The following HS2ST1 variants were observed in gnomAD, a reference collection of about 807,000 sequenced individuals.
HS2ST1 encodes the protein 2-O-sulfotransferase.
In HS2ST1, 18 loss-of-function variants were observed where a neutral mutation model predicts 42.9. The observed-to-expected ratio is 0.42, with a 90% confidence interval of 0.29 to 0.62. The LOEUF (loss-of-function observed/expected upper bound fraction) is 0.62. Ranked by LOEUF, HS2ST1 falls within the 20% of genes least tolerant of loss-of-function variation. The probability of loss-of-function intolerance (pLI) is 0.21; values close to 1 mark genes in which losing one functional copy is unlikely to be tolerated. For missense variants in HS2ST1, 334 were observed against 433.8 expected, an observed-to-expected ratio of 0.77 and a Z score of 2.04; for synonymous variants, 146 against 152.9, an observed-to-expected ratio of 0.95 and a Z score of 0.33.
At chr1:87,056,520 A>G (rs1223619081) in intron 1 of HS2ST1, among the ~76,000 whole-genome samples, 1 of 152,202 alleles carries the variant, frequency 6.6e-6, no homozygotes, top group Non-Finnish European at 1.5e-5. Flanking sequence ...AGACTTGTGT[A>G]GTTGGGAGAT....
chr1:86,914,865 TG>T lies in HS2ST1; in HGVS notation c.-167del. ...CACCAGCGGCGTTGGTGATAGCGCCTGGGGGAGGGGGACTGGAGAGGCGAGA... is the reference window on the plus strand; with the variant it reads ...CACCAGCGGCGTTGGTGATAGCGCCTGGGGAGGGGGACTGGAGAGGCGAGA... On this transcript the variant is annotated 5_prime_UTR_variant, in exon 1 of 7. Coordinates refer to ENST00000370550, the MANE Select transcript of HS2ST1 (RefSeq NM_012262.4). 1 of 625,922 alleles carries T rather than the reference TG, an allele frequency of 1.6e-6. No individual in the cohort carries two copies. Among genetic ancestry groups the T allele is most frequent in the Non-Finnish European group, 2.5e-6 (1 of 400,854 alleles). 38.8% of individuals were successfully genotyped at this position (625,922 alleles called of 1,614,324 possible). A position where few individuals can be genotyped will look rare whatever the true frequency, so the allele number is the denominator to read the frequency against.
At chr1:87,044,196 T>A (rs1467560128) in intron 1 of HS2ST1, among the ~76,000 whole-genome samples, 1 of 152,138 alleles carries the variant, frequency 6.6e-6, no homozygotes, top group African/African-American at 2.4e-5. Context: ...GTACCGACAT[T>A]TTTGGACATT....
chr1:86,965,546 G>A lies in HS2ST1; in HGVS notation c.124+50386G>A, dbSNP rs58066239. Among the ~76,000 whole-genome samples, 628 of 152,130 alleles carry A rather than the reference G, an allele frequency of 4.1e-3. 4 individuals carry two copies. Among genetic ancestry groups the A allele is most frequent in the African/African-American group, 0.015 (608 of 41,498 alleles). On this transcript the variant is annotated intron_variant, in intron 1 of 6. Coordinates refer to ENST00000370550, the MANE Select transcript of HS2ST1 (RefSeq NM_012262.4). ...ACCAGTGGTTCTCAAGCCTGGCTGC[G>A]TATTAGAATCACTCTGGGGAGTTTT...
At chr1:86,956,199 C>A (rs541269891) in intron 1 of HS2ST1, among the ~76,000 whole-genome samples, 1 of 152,204 alleles carries the variant, frequency 6.6e-6, no homozygotes, top group South Asian at 2.1e-4. Context: ...TGGGGTGGAT[C>A]TGCTGCTTTA....
At chr1:86,960,735 T>C (rs919746026) in intron 1 of HS2ST1, among the ~76,000 whole-genome samples, 2 of 152,184 alleles carry the variant, frequency 1.3e-5, no homozygotes, top group African/African-American at 4.8e-5. Context: ...ACTATACACC[T>C]ATTAGAGTGA....
In HS2ST1 at chr1:87,075,035, A is replaced by T. The variant is rs185270986; in HGVS notation, c.363+1863A>T. Among the ~76,000 whole-genome samples, 805 of 152,200 alleles carry T rather than the reference A, an allele frequency of 5.3e-3. 10 individuals carry two copies. The highest frequency in any genetic ancestry group is 0.018 in the African/African-American group (763 of 41,536). On this transcript the variant is annotated intron_variant, in intron 2 of 6. Coordinates refer to ENST00000370550, the MANE Select transcript of HS2ST1 (RefSeq NM_012262.4). Reference sequence around the variant, plus strand: ...AATCTAGTAAGCTTCATCTAAATGTAAACTAAAAATTGCACTGTATTTCTT... The same window carrying T: ...AATCTAGTAAGCTTCATCTAAATGTTAACTAAAAATTGCACTGTATTTCTT...
At chr1:86,962,990 T>C (rs1385099894) in intron 1 of HS2ST1, among the ~76,000 whole-genome samples, 3 of 151,978 alleles carry the variant, frequency 2.0e-5, no homozygotes, top group African/African-American at 7.3e-5. Context: ...TAGAAAAAGG[T>C]GGTAGTATAG....
intron 1 of HS2ST1, among the ~76,000 whole-genome samples, chr1:86,937,105 C>CA (rs568694968): frequency 4.2e-4 from 62 of 146,356 alleles, no homozygotes; most frequent in Middle Eastern, 3.5e-3. Flanking sequence ...ACTCTGTCTC[C>CA]AAAAAAAAAC....
intron 1 of HS2ST1, among the ~76,000 whole-genome samples, chr1:87,067,971 C>T (rs903781874): frequency 1.2e-4 from 18 of 152,200 alleles, no homozygotes; most frequent in Middle Eastern, 3.4e-3. Context: ...GTAGTGTAGC[C>T]TTGTAATATA....
At chr1:86,984,929 T>C (rs1004165113) in intron 1 of HS2ST1, among the ~76,000 whole-genome samples, 3 of 148,498 alleles carry the variant, frequency 2.0e-5, no homozygotes, top group Non-Finnish European at 3.0e-5. Context: ...AAAAAAGTTA[T>C]GCCGTTTCTT....
intron 1 of HS2ST1, among the ~76,000 whole-genome samples, chr1:86,970,917 T>TAA (rs1326523526): frequency 1.3e-5 from 2 of 152,142 alleles, no homozygotes; most frequent in African/African-American, 4.8e-5. Context: ...TTTATATATA[T>TAA]AATAGATGCC....
At chr1:87,077,687 CT>C (rs757788562) in intron 2 of HS2ST1, among the ~76,000 whole-genome samples, 8 of 152,104 alleles carry the variant, frequency 5.3e-5, no homozygotes, top group Non-Finnish European at 7.4e-5. Flanking sequence ...TACTATATCC[CT>C]TATGTTTAGA....
At chr1:86,954,166 A>C (rs1647611567) in intron 1 of HS2ST1, among the ~76,000 whole-genome samples, 1 of 151,942 alleles carries the variant, frequency 6.6e-6, no homozygotes, top group Admixed American at 6.6e-5. Context: ...CCTGGCCAAC[A>C]TGGTAAAACC....
chr1:86,914,671 A>C lies in HS2ST1; in HGVS notation c.-366A>C. The stretch of plus-strand genomic sequence containing the variant: ...GCCGGTGGAGGGGCGCGCGGCCGCG[A>C]GCAAAGGAGGGAGGGAAGGAAGGAA... On this transcript the variant is annotated 5_prime_UTR_variant, in exon 1 of 7. Transcript: ENST00000370550. The C allele has an allele frequency of 9.2e-6, 2 of 216,586 alleles. No individual in the cohort carries two copies. The highest frequency in any genetic ancestry group is 1.8e-5 in the Non-Finnish European group (2 of 109,296). The allele number at this position is 216,586 out of a possible 1,614,324, so 13.4% of individuals were successfully genotyped here.
intron 1 of HS2ST1, among the ~76,000 whole-genome samples, chr1:87,019,113 G>A (rs945772410): frequency 3.3e-5 from 5 of 152,136 alleles, no homozygotes; most frequent in Non-Finnish European, 7.4e-5. Flanking sequence ...TCAGCAATGT[G>A]GTGTTATGTG....
chr1:87,051,181 T>C (rs1207908457), intron 1 of HS2ST1, among the ~76,000 whole-genome samples: 1 of 152,172 alleles, frequency 6.6e-6, no homozygotes, highest in Non-Finnish European at 1.5e-5. Flanking sequence ...AAACAAGTTA[T>C]GCTCTCCTCC....
At chr1:86,916,141 A>G (rs1178511127) in intron 1 of HS2ST1, among the ~76,000 whole-genome samples, 6 of 152,210 alleles carry the variant, frequency 3.9e-5, no homozygotes, top group Non-Finnish European at 7.3e-5. Flanking sequence ...GGCATTTGGA[A>G]GAGCTCAGCA....
chr1:86,930,577 G>A (rs1235443474), intron 1 of HS2ST1, among the ~76,000 whole-genome samples: 1 of 151,790 alleles, frequency 6.6e-6, no homozygotes, highest in African/African-American at 2.4e-5. Flanking sequence ...ATTATTAAAG[G>A]ACCTTACCAT....
intron 1 of HS2ST1, among the ~76,000 whole-genome samples, chr1:86,963,779 C>A (rs1205999668): frequency 1.5e-5 from 2 of 131,802 alleles, no homozygotes; most frequent in East Asian, 5.1e-4. Context: ...GGCAGCTGGC[C>A]GGGTGGGGGC....
Sources: allele counts gnomAD v4.1 joint callset (sites outside exome capture counted in the v4.1 genomes callset), GRCh38; gene constraint gnomAD v4.1.1; transcripts MANE v1.5; gene names NCBI Gene and HGNC (gene_info 2026-07-23, HGNC 2026-07-21).